Variants in TACC2 observed in about 807,000 individuals in gnomAD.
The protein encoded by TACC2 is transforming acidic coiled-coil-containing protein 2.
Under a neutral mutation model 227.3 loss-of-function variants are expected in TACC2, and 137 were observed. That is an observed-to-expected ratio of 0.60 (90% CI 0.52 to 0.69). TACC2 has a LOEUF of 0.69. Among genes scored for constraint, TACC2 ranks in the 30% least tolerant of loss-of-function variants. The probability of loss-of-function intolerance (pLI) is 0.00; values close to 1 mark genes in which losing one functional copy is unlikely to be tolerated. For missense variants in TACC2, 3,470 were observed against 3,694.4 expected, an observed-to-expected ratio of 0.94 and a Z score of 1.57; for synonymous variants, 1,523 against 1,487.5, an observed-to-expected ratio of 1.02 and a Z score of -0.55.
chr10:122,093,752 G>A (rs2081079031), intron 5 of TACC2, among the ~76,000 whole-genome samples: 1 of 152,188 alleles, frequency 6.6e-6, no homozygotes, highest in Admixed American at 6.5e-5. Flanking sequence ...ATTGGGGTTA[G>A]GATAAAATTG....
At chr10:122,177,243 A>G (rs1779599749) in intron 7 of TACC2, among the ~76,000 whole-genome samples, 1 of 152,228 alleles carries the variant, frequency 6.6e-6, no homozygotes, top group African/African-American at 2.4e-5. Context: ...GCCCCAACAC[A>G]GAAAAGGAGG....
intron 8 of TACC2, among the ~76,000 whole-genome samples, chr10:122,208,651 T>C (rs1490913577): frequency 2.0e-5 from 3 of 152,232 alleles, no homozygotes; most frequent in Non-Finnish European, 2.9e-5. Context: ...GACATACTTA[T>C]ATTAAAAAAC....
At chr10:122,248,612 C>T in intron 19 of TACC2, 31 bp from the exon 20 acceptor site, 2 of 1,611,724 alleles carry the variant, frequency 1.2e-6, no homozygotes, top group South Asian at 2.2e-5. Flanking sequence ...TTTCTGGGCT[C>T]CATCATTTGG....
chr10:122,210,775 C>A lies in TACC2; in HGVS notation c.6350C>A (p.Ser2117Tyr). ...GCCCCAGATGCATATAGCACGGGTT[C>A]CAGCAGTGCTTCTAGTACCCTTAAG... is the stretch of plus-strand genomic sequence containing the variant. ...ALAPDAYSTG[S>Y]SSASSTLKRT... is the part of the protein sequence containing the mutation. The change falls in exon 9 of 23, where the codon TCC becomes TAC. Residue 2117 changes from serine (S) to tyrosine (Y), a missense_variant. Coordinates refer to ENST00000369005, the MANE Select transcript of TACC2 (RefSeq NM_206862.4). The surrounding 1 kb of genome is among the most constrained non-coding windows in gnomAD (Gnocchi z 4.6). The A allele has an allele frequency of 6.2e-7, 1 of 1,613,860 alleles. No individual in the cohort carries two copies. The highest frequency in any genetic ancestry group is 8.5e-7 in the Non-Finnish European group (1 of 1,180,016).
Position 122,082,982 on chromosome 10 carries a change from C to G in TACC2, c.482C>G (p.Ser161Cys), listed in dbSNP as rs146707567. 1.2e-6 allele frequency: 2 copies of G among 1,612,710 alleles called. No individual in the cohort carries two copies. Among genetic ancestry groups the G allele is most frequent in the Non-Finnish European group, 1.7e-6 (2 of 1,180,028 alleles). ...AAAFPAERDSSTPYQEIAAVP... is the reference protein window; with the variant it reads ...AAAFPAERDSCTPYQEIAAVP... ...GCATTTCCCGCTGAGAGGGACAGCT[C>G]TACTCCATACCAAGAGATTGCTGCC... is the stretch of plus-strand genomic sequence containing the variant. Residue 161 changes from serine (S) to cysteine (C), a missense_variant, in exon 4 of 23, where the codon TCT (serine) becomes TGT (cysteine). Ser to Cys is a moderately radical substitution (Grantham distance 112). Around this residue, in one of 10 missense-constraint regions of TACC2, gnomAD observed 405 missense variants for 389.6 expected, o/e 1.04. Transcript: ENST00000369005.
chr10:122,131,592 G>A (rs912817845), intron 5 of TACC2, among the ~76,000 whole-genome samples: 1 of 152,182 alleles, frequency 6.6e-6, no homozygotes, highest in African/African-American at 2.4e-5. Context: ...ACTCAAGGCT[G>A]GGGTTTCTCA....
At chr10:122,208,156 A>T (rs2095186944) in intron 8 of TACC2, among the ~76,000 whole-genome samples, 1 of 152,194 alleles carries the variant, frequency 6.6e-6, no homozygotes, top group African/African-American at 2.4e-5. Context: ...AGAGCTCCGT[A>T]TTTAGGGCGT....
intron 2 of TACC2, among the ~76,000 whole-genome samples, chr10:122,039,973 G>A (rs1316055401): frequency 7.8e-6 from 1 of 127,684 alleles, no homozygotes; most frequent in Admixed American, 8.8e-5. Flanking sequence ...GGGCCATGGA[G>A]CCTCAGCCCA....
At chr10:122,182,000 C>T (rs2093986139) in intron 7 of TACC2, among the ~76,000 whole-genome samples, 1 of 152,160 alleles carries the variant, frequency 6.6e-6, no homozygotes, top group Non-Finnish European at 1.5e-5. Flanking sequence ...GCTTTTAAGA[C>T]TTTCTAGATT....
chr10:122,118,840 G>A (rs1012683318), intron 5 of TACC2, among the ~76,000 whole-genome samples: 1 of 152,174 alleles, frequency 6.6e-6, no homozygotes, highest in Non-Finnish European at 1.5e-5. Flanking sequence ...AGCTGATTGT[G>A]GCCTGAATTA....
At position 122,083,936 on chromosome 10, in the gene TACC2, G is replaced by T; in HGVS notation, c.1436G>T (p.Gly479Val). ...CAGGTGTCAGATCTTGGAAGCAAGGGAGAGCATCCAGAAGGGGACCCTGGA... is the reference window on the plus strand; with the variant it reads ...CAGGTGTCAGATCTTGGAAGCAAGGTAGAGCATCCAGAAGGGGACCCTGGA... ...ERQVSDLGSK[G>V]EHPEGDPGEV... The change falls in exon 4 of 23, where the codon GGA (glycine) becomes GTA (valine). Residue 479 changes from glycine to valine, a missense_variant. Coordinates refer to ENST00000369005, the MANE Select transcript of TACC2 (RefSeq NM_206862.4). 1 of 1,614,108 alleles carries T rather than the reference G, an allele frequency of 6.2e-7. No individual in the cohort carries two copies. The highest frequency in any genetic ancestry group is 1.3e-5 in the African/African-American group (1 of 75,050).
At chr10:122,137,980 A>G (rs1391325368) in intron 6 of TACC2, among the ~76,000 whole-genome samples, 1 of 152,236 alleles carries the variant, frequency 6.6e-6, no homozygotes, top group African/African-American at 2.4e-5. Flanking sequence ...TAGCCTCACC[A>G]GCGAGTTTCC....
chr10:122,040,179 A>G (rs1357062208), intron 2 of TACC2, among the ~76,000 whole-genome samples: 1 of 152,144 alleles, frequency 6.6e-6, no homozygotes, highest in Non-Finnish European at 1.5e-5. Flanking sequence ...ATGTATAACC[A>G]CGGCTCTAAA....
intron 3 of TACC2, among the ~76,000 whole-genome samples, chr10:122,070,057 A>G (rs2077861663): frequency 1.3e-5 from 2 of 150,932 alleles, no homozygotes. Context: ...TAATGGGATT[A>G]CAGAGAGACG....
At chr10:122,213,954 C>T (rs1191289453) in intron 9 of TACC2, among the ~76,000 whole-genome samples, 1 of 152,198 alleles carries the variant, frequency 6.6e-6, no homozygotes, top group Non-Finnish European at 1.5e-5. Context: ...CCTCAGTCAC[C>T]CAGGACCTGG....
At chr10:122,154,865 T>C (rs1302431649) in intron 7 of TACC2, among the ~76,000 whole-genome samples, 1 of 152,220 alleles carries the variant, frequency 6.6e-6, no homozygotes, top group Non-Finnish European at 1.5e-5. Context: ...CAATAGATGC[T>C]CACGGATGCT....
At position 122,210,793 on chromosome 10, in the gene TACC2, C is replaced by A. The variant is rs2095273384; in HGVS notation, c.6368C>A (p.Thr2123Asn). The A allele has an allele frequency of 3.7e-6, 6 of 1,613,170 alleles. 1 individual carries two copies. In the Middle Eastern group the frequency reaches 5.0e-4, roughly 133 times the overall value. Reference sequence around the variant, plus strand: ...ACGGGTTCCAGCAGTGCTTCTAGTACCCTTAAGCGAACTAAAAAACCGAGG... The same window carrying A: ...ACGGGTTCCAGCAGTGCTTCTAGTAACCTTAAGCGAACTAAAAAACCGAGG... ...YSTGSSSASS[T>N]LKRTKKPRPP... Residue 2123 changes from threonine (T) to asparagine (N), a missense_variant, in exon 9 of 23, where the codon ACC (threonine) becomes AAC (asparagine). Around this residue, in one of 10 missense-constraint regions of TACC2, gnomAD observed 593 missense variants for 636.6 expected, o/e 0.93. Coordinates refer to ENST00000369005, the MANE Select transcript of TACC2 (RefSeq NM_206862.4). This position sits in a 1 kb window ranked among gnomAD's most constrained non-coding sequence, Gnocchi z 4.6.
intron 5 of TACC2, among the ~76,000 whole-genome samples, chr10:122,111,463 A>T (rs1370168057): frequency 2.2e-5 from 2 of 92,742 alleles, no homozygotes; most frequent in African/African-American, 6.6e-5. Flanking sequence ...TGTTTTTACC[A>T]CAAATGGATA....
chr10:122,250,814 A>G (rs905249473), intron 22 of TACC2, among the ~76,000 whole-genome samples: 5 of 151,628 alleles, frequency 3.3e-5, no homozygotes, highest in Middle Eastern at 3.2e-3. Context: ...CCTGAGGTCC[A>G]TATCTGATAC....
Sources: gnomAD v4.1 joint callset for allele counts (sites outside exome capture counted in the v4.1 genomes callset) on GRCh38, gnomAD v4.1.1 for gene constraint, gnomAD v4.1.1 regional missense constraint, Gnocchi (gnomAD v3.1) non-coding constraint, MANE v1.5 for transcripts, NCBI Gene and HGNC (gene_info 2026-07-23, HGNC 2026-07-21) for gene names.